The following ZMYM6 variants were observed in gnomAD, a reference collection of about 807,000 sequenced individuals.
ZMYM6 encodes the protein zinc finger MYM-type protein 6.
Under a neutral mutation model 134.0 loss-of-function variants are expected in ZMYM6, and 90 were observed. The observed-to-expected ratio is 0.67, with a 90% CI of 0.57 to 0.80. ZMYM6 has a LOEUF of 0.80. ZMYM6 is among the 30% of genes least tolerant of loss of function. The pLI, the probability that ZMYM6 is intolerant of heterozygous loss-of-function variation, is 0.00. For synonymous variants in ZMYM6, 481 were observed against 524.1 expected (o/e 0.92, Z 1.12); for missense variants, 1,362 against 1,533.9 (o/e 0.89, Z 1.87).
intron 2 of ZMYM6, chr1:35,030,322 C>T: frequency 2.0e-6 from 1 of 509,004 alleles, no homozygotes; most frequent in South Asian, 2.8e-5. Context: ...GTCCCAGCTA[C>T]ACAGGAGGCT....
At chr1:35,007,797 T>TAGAACAAG (rs1261350674) in intron 11 of ZMYM6, among the ~76,000 whole-genome samples, 3 of 150,744 alleles carry the variant, frequency 2.0e-5, no homozygotes, top group African/African-American at 4.9e-5. Context: ...GCCTGAGCAA[T>TAGAACAAG]AGAACAAGAT....
chr1:35,004,303 T>C (rs765342675), intron 13 of ZMYM6, among the ~76,000 whole-genome samples: 1 of 152,220 alleles, frequency 6.6e-6, no homozygotes, highest in Admixed American at 6.5e-5. Context: ...GAGCCTTCTA[T>C]GGCTCAAGAG....
At chr1:35,023,063 T>C (rs1409288815) in intron 2 of ZMYM6, among the ~76,000 whole-genome samples, 6 of 151,954 alleles carry the variant, frequency 3.9e-5, no homozygotes, top group African/African-American at 1.4e-4. Flanking sequence ...AATGACATCT[T>C]ACAGTTAGTC....
rs1432844662 is a variant in ZMYM6 at position 35,008,912 on chromosome 1, AG to A, written c.1504del (p.Leu502SerfsTer28). 6.2e-7 allele frequency: 1 copy of A among 1,611,514 alleles called. No homozygotes were observed. The highest frequency in any genetic ancestry group is 8.5e-7 in the Non-Finnish European group (1 of 1,178,992). ...TCGTTCTCCAAAGTCACGGGCAGAGAGGAATTTGCAAACTGAGGATCAGAGG... is the reference window on the plus strand; with the variant it reads ...TCGTTCTCCAAAGTCACGGGCAGAGAGAATTTGCAAACTGAGGATCAGAGG... ...KPFCSEVCKF[L>X]SARDFGERWG... is the part of the protein sequence containing the mutation. On this transcript the variant is annotated frameshift_variant, in exon 11 of 16. Coordinates refer to ENST00000357182, the MANE Select transcript of ZMYM6 (RefSeq NM_007167.4). LOFTEE classifies it high-confidence loss of function.
Position 34,992,405 on chromosome 1 carries a change from C to A in ZMYM6, c.1993-18G>T. ...GTACTTTCCTAGTTAAAAGCAAATT[C>A]AGAAACCAAAGAAAGATTTTTTTTA... is the stretch of plus-strand genomic sequence containing the variant. On this transcript the variant is annotated intron_variant, in intron 14 of 15. Coordinates refer to ENST00000357182, the MANE Select transcript of ZMYM6 (RefSeq NM_007167.4). The A allele has an allele frequency of 6.2e-7, 1 of 1,605,428 alleles. No individual in the cohort carries two copies. Among genetic ancestry groups the A allele is most frequent in the Non-Finnish European group, 8.5e-7 (1 of 1,177,900 alleles).
chr1:35,022,329 G>A (rs539377463), intron 2 of ZMYM6, among the ~76,000 whole-genome samples: 2 of 152,094 alleles, frequency 1.3e-5, no homozygotes, highest in South Asian at 2.1e-4. Context: ...GGAGTGCAAT[G>A]GTGCCATCTC....
At chr1:35,016,076 C>A (rs148063000) in intron 4 of ZMYM6, among the ~76,000 whole-genome samples, 4 of 150,820 alleles carry the variant, frequency 2.7e-5, no homozygotes, top group African/African-American at 9.7e-5. Context: ...GCCTCCGGTT[C>A]GAGTAGCTGG....
At chr1:34,994,822 C>A (rs1640746427) in intron 14 of ZMYM6, among the ~76,000 whole-genome samples, 2 of 151,422 alleles carry the variant, frequency 1.3e-5, no homozygotes, top group South Asian at 4.2e-4. Context: ...TACAGTTGTT[C>A]CCCCTTATCT....
At chr1:35,020,739 T>G (rs545631738) in intron 2 of ZMYM6, among the ~76,000 whole-genome samples, 1 of 151,764 alleles carries the variant, frequency 6.6e-6, no homozygotes, top group Non-Finnish European at 1.5e-5. Flanking sequence ...CACCCAACTA[T>G]TTTTTGTATT....
chr1:35,028,564 A>G (rs1641458082), intron 2 of ZMYM6, among the ~76,000 whole-genome samples: 1 of 151,038 alleles, frequency 6.6e-6, no homozygotes. Flanking sequence ...CAGTGGCGCA[A>G]TCTTGGCTCA....
chr1:34,991,558 T>C (rs1405585832), intron 15 of ZMYM6, among the ~76,000 whole-genome samples: 1 of 151,962 alleles, frequency 6.6e-6, no homozygotes, highest in Non-Finnish European at 1.5e-5. Flanking sequence ...TCACCTGAGG[T>C]CAGGAGTTCA....
chr1:35,013,236 A>C (rs377556186), intron 6 of ZMYM6: 1 of 743,452 alleles, frequency 1.3e-6, no homozygotes, highest in Non-Finnish European at 1.6e-6. Context: ...AGGCGCTCTC[A>C]AAAATTACAT....
chr1:35,027,773 C>A (rs1641441277), intron 2 of ZMYM6, among the ~76,000 whole-genome samples: 1 of 152,016 alleles, frequency 6.6e-6, no homozygotes, highest in Non-Finnish European at 1.5e-5. Context: ...TATAGAAGAA[C>A]ATCATGGGTC....
At chr1:35,016,347 G>T (rs2148456432) in intron 4 of ZMYM6, among the ~76,000 whole-genome samples, 1 of 152,252 alleles carries the variant, frequency 6.6e-6, no homozygotes, top group East Asian at 1.9e-4. Flanking sequence ...TGACAAAAGG[G>T]CTGTTAAGGC....
intron 15 of ZMYM6, 94 bp from the exon 16 acceptor site, chr1:34,989,029 ACTATTT>A: frequency 6.6e-7 from 1 of 1,517,638 alleles, no homozygotes; most frequent in African/African-American, 1.4e-5. Flanking sequence ...ATATTTTGTT[ACTATTT>A]CTATTTATCA....
At position 34,988,156 on chromosome 1, in the gene ZMYM6, C is replaced by T. The variant is rs780193833; in HGVS notation, c.2926G>A (p.Val976Ile). The stretch of plus-strand genomic sequence containing the variant: ...GCAGCCCCATCGGTACAGAGACCAA[C>T]ACAATGTTTCCAATTCAGAGATTTA... ...DSKSLNWKHC[V>I]GLCTDGAASM... The change falls in exon 16 of 16, where the codon GTT becomes ATT. Residue 976 changes from valine (V) to isoleucine (I), a missense_variant. Val to Ile is a conservative substitution (Grantham distance 29, BLOSUM62 3). This residue lies in a region of ZMYM6 where 824 missense variants were observed against 940.9 expected (regional missense o/e 0.88). Coordinates refer to ENST00000357182, the MANE Select transcript of ZMYM6 (RefSeq NM_007167.4). 6.4e-7 allele frequency: 1 copy of T among 1,550,734 alleles called. No homozygotes were observed. Among genetic ancestry groups the T allele is most frequent in the Non-Finnish European group, 8.7e-7 (1 of 1,146,700 alleles).
chr1:35,017,963 CAGATT>C (rs1188714996), intron 4 of ZMYM6: 2 of 152,112 alleles, frequency 1.3e-5, no homozygotes, highest in Non-Finnish European at 2.9e-5. Context: ...TTTACTCTTT[CAGATT>C]AGTTTCATGA....
chr1:35,022,295 G>A (rs571255902), intron 2 of ZMYM6, among the ~76,000 whole-genome samples: 2 of 152,156 alleles, frequency 1.3e-5, no homozygotes, highest in South Asian at 4.1e-4. Flanking sequence ...TTTTGAGACG[G>A]AGTCTCGCTC....
At chr1:35,003,145 C>T (rs575790331) in intron 14 of ZMYM6, among the ~76,000 whole-genome samples, 74 of 145,734 alleles carry the variant, frequency 5.1e-4, no homozygotes, top group East Asian at 6.0e-4. Context: ...CATGCCACCG[C>T]ACTCCAGCCT....
Sources: allele counts gnomAD v4.1 joint callset (sites outside exome capture counted in the v4.1 genomes callset), GRCh38; gene constraint gnomAD v4.1.1; regional missense constraint gnomAD v4.1.1; transcripts MANE v1.5; gene names NCBI Gene and HGNC (gene_info 2026-07-23, HGNC 2026-07-21).